KCTD5: variants seen among roughly 807,000 people sequenced by gnomAD.
KCTD5 encodes BTB/POZ domain-containing protein KCTD5.
In KCTD5, 12 loss-of-function variants were observed where a neutral mutation model predicts 27.9. The observed-to-expected ratio is 0.43, with a 90% CI of 0.28 to 0.70. KCTD5 has a LOEUF of 0.70. KCTD5 is among the 30% of genes least tolerant of loss of function. The probability of loss-of-function intolerance (pLI) is 0.19; values close to 1 mark genes in which losing one functional copy is unlikely to be tolerated. For synonymous variants in KCTD5, 147 were observed against 121.4 expected (o/e 1.21, Z -1.39); for missense variants, 226 against 274.8 (o/e 0.82, Z 1.26).
chr16:2,697,832 A>G, intron 2 of KCTD5, 74 bp from the exon 3 acceptor site: 1 of 1,047,466 alleles, frequency 9.5e-7, no homozygotes, highest in Non-Finnish European at 1.5e-6. Flanking sequence ...GGGCAAGGGC[A>G]GGGGTGGGTG....
chr16:2,693,808 C>T (rs1449081889), intron 1 of KCTD5, among the ~76,000 whole-genome samples: 1 of 151,616 alleles, frequency 6.6e-6, no homozygotes, highest in Non-Finnish European at 1.5e-5. Context: ...TCATGGCGGC[C>T]CCGAGCTACA....
intron 5 of KCTD5, among the ~76,000 whole-genome samples, chr16:2,704,184 T>C (rs1452341986): frequency 6.6e-6 from 1 of 152,212 alleles, no homozygotes; most frequent in Non-Finnish European, 1.5e-5. Flanking sequence ...TGGCGGCTTC[T>C]TGATGGGGGT....
At chr16:2,690,053 C>T (rs368106074) in intron 1 of KCTD5, among the ~76,000 whole-genome samples, 10 of 152,242 alleles carry the variant, frequency 6.6e-5, no homozygotes, top group African/African-American at 1.2e-4. Flanking sequence ...ACGTTGCCCC[C>T]GGTGCTTTGC....
chr16:2,699,403 T>C (rs2142057342), intron 3 of KCTD5: 1 of 357,742 alleles, frequency 2.8e-6, no homozygotes, highest in Admixed American at 3.7e-5. Flanking sequence ...TCAAGAGCCT[T>C]TTTCTGGTAG....
chr16:2,700,797 C>A (rs922146935), intron 4 of KCTD5, among the ~76,000 whole-genome samples: 1 of 126,982 alleles, frequency 7.9e-6, no homozygotes, highest in South Asian at 2.4e-4. Context: ...TTGTAGGGTA[C>A]TTGGAGCCCC....
rs2067643649 is a variant in KCTD5 at position 2,707,753 on chromosome 16, G to C, written c.*426G>C. The C allele has an allele frequency of 2.7e-6, 1 of 375,474 alleles. No individual in the cohort carries two copies. Among genetic ancestry groups the C allele is most frequent in the African/African-American group, 2.1e-5 (1 of 48,482 alleles). 23.3% of individuals were successfully genotyped at this position (375,474 alleles called of 1,614,324 possible). The stretch of plus-strand genomic sequence containing the variant: ...AGTGTCCAGCACGTCGTGGCCTCTG[G>C]TCCGACCACCAGGCCCTAGTCTCGG... On this transcript the variant is annotated 3_prime_UTR_variant, in exon 6 of 6. Coordinates refer to ENST00000301738, the MANE Select transcript of KCTD5 (RefSeq NM_018992.4).
intron 1 of KCTD5, among the ~76,000 whole-genome samples, chr16:2,690,833 T>A (rs1190205968): frequency 1.3e-5 from 2 of 152,272 alleles, no homozygotes; most frequent in African/African-American, 4.8e-5. Flanking sequence ...TTGCTGCCTT[T>A]GTCTCCATGA....
rs544272228 is a variant in KCTD5, at chr16:2,690,928, G to T, written c.253-5007G>T. Among the ~76,000 whole-genome samples the T allele has an allele frequency of 2.2e-4, 33 of 152,316 alleles. 1 individual carries two copies. The East Asian group carries it at 5.4e-3, about 25-fold the overall frequency. ...TATTTTTTTGTTGTTTCTGCATCAG[G>T]GTGGAGGCTGATCCACATCCCCAAC... On this transcript the variant is annotated intron_variant, in intron 1 of 5. Coordinates refer to ENST00000301738, the MANE Select transcript of KCTD5 (RefSeq NM_018992.4).
At chr16:2,688,416 G>A (rs1567193197) in intron 1 of KCTD5, among the ~76,000 whole-genome samples, 2 of 151,720 alleles carry the variant, frequency 1.3e-5, no homozygotes, top group Non-Finnish European at 2.9e-5. Context: ...ATGTCTGGCT[G>A]ATTTTTGTAT....
chr16:2,686,578 G>A (rs1477800999), intron 1 of KCTD5, among the ~76,000 whole-genome samples: 4 of 52,732 alleles, frequency 7.6e-5, no homozygotes, highest in Admixed American at 4.4e-4. Context: ...CACTCAGATG[G>A]AGGAGAATTT....
chr16:2,701,358 C>A (rs1001431943), intron 4 of KCTD5, among the ~76,000 whole-genome samples: 20 of 152,208 alleles, frequency 1.3e-4, no homozygotes, highest in African/African-American at 4.8e-4. Flanking sequence ...TGGGGTGGGA[C>A]CCTGCGGGGT....
At chr16:2,704,200 C>T (rs1245303338) in intron 5 of KCTD5, among the ~76,000 whole-genome samples, 1 of 152,190 alleles carries the variant, frequency 6.6e-6, no homozygotes, top group African/African-American at 2.4e-5. Context: ...GGGGTGGTGT[C>T]AGCAGTGCCC....
At chr16:2,690,642 C>T (rs1381543986) in intron 1 of KCTD5, among the ~76,000 whole-genome samples, 2 of 152,230 alleles carry the variant, frequency 1.3e-5, no homozygotes, top group Non-Finnish European at 2.9e-5. Flanking sequence ...CAGCCCGCAG[C>T]ATCTCACTGG....
At chr16:2,686,933 C>T (rs993436329) in intron 1 of KCTD5, among the ~76,000 whole-genome samples, 5 of 152,210 alleles carry the variant, frequency 3.3e-5, no homozygotes, top group South Asian at 4.1e-4. Flanking sequence ...GCTATGGTGG[C>T]CTCAGTTTGA....
chr16:2,689,571 A>G (rs1324801886), intron 1 of KCTD5, among the ~76,000 whole-genome samples: 2 of 147,536 alleles, frequency 1.4e-5, no homozygotes, highest in Non-Finnish European at 3.0e-5. Flanking sequence ...CCCTCTTTGC[A>G]GAGCTCTGGG....
Position 2,682,690 on chromosome 16 carries a change from C to T in KCTD5, c.142C>T (p.Leu48Phe). Residue 48 changes from leucine to phenylalanine, a missense_variant, in exon 1 of 6, where the codon CTC becomes TTC. By Grantham distance (22) the Leu-to-Phe change is conservative. Transcript: ENST00000301738. ...TGGCAGCGTGTCCAAGTGGGTCCGA[C>T]TCAACGTCGGCGGCACCTACTTCCT... The part of the protein sequence containing the change: ...RPGSVSKWVR[L>F]NVGGTYFLTT... 1 of 1,609,964 alleles carries T rather than the reference C, an allele frequency of 6.2e-7. No individual in the cohort carries two copies. The highest frequency in any genetic ancestry group is 8.5e-7 in the Non-Finnish European group (1 of 1,178,756).
chr16:2,692,359 G>C (rs183463215), intron 1 of KCTD5, among the ~76,000 whole-genome samples: 2 of 152,314 alleles, frequency 1.3e-5, no homozygotes, highest in East Asian at 3.9e-4. Context: ...CAGTGCAGAG[G>C]AGACTGTGGG....
At chr16:2,696,585 C>T (rs867940128) in intron 2 of KCTD5, among the ~76,000 whole-genome samples, 2,113 of 149,030 alleles carry the variant, frequency 0.014, 1 homozygote, top group African/African-American at 0.051. Flanking sequence ...CTGTGTGCTG[C>T]GGTGCTGGCT....
intron 5 of KCTD5, among the ~76,000 whole-genome samples, chr16:2,705,800 A>G (rs986208887): frequency 1.3e-5 from 2 of 152,188 alleles, no homozygotes; most frequent in African/African-American, 4.8e-5. Flanking sequence ...GTCTCACCCC[A>G]GGCTCTGTCT....
Sources: gnomAD v4.1 joint callset for allele counts (sites outside exome capture counted in the v4.1 genomes callset) on GRCh38, gnomAD v4.1.1 for gene constraint, MANE v1.5 for transcripts, NCBI Gene and HGNC (gene_info 2026-07-23, HGNC 2026-07-21) for gene names.